KLHL32: variants seen among roughly 807,000 people sequenced by gnomAD.
KLHL32 encodes the protein kelch-like protein 32.
KLHL32 carries 35 observed loss-of-function variants against 64.8 expected under a neutral mutation model. The observed-to-expected ratio is 0.54, with a 90% CI of 0.41 to 0.72. The LOEUF is 0.72. Ranked by LOEUF, KLHL32 falls within the 30% of genes least tolerant of loss-of-function variation. The pLI is 0.00. For missense variants in KLHL32, 589 were observed against 768.5 expected (o/e 0.77, Z 2.76); for synonymous variants, 259 against 281.0 (o/e 0.92, Z 0.78).
intron 3 of KLHL32, among the ~76,000 whole-genome samples, chr6:97,001,537 G>T (rs558777221): frequency 1.4e-4 from 22 of 151,998 alleles, no homozygotes; most frequent in Non-Finnish European, 2.9e-4. Flanking sequence ...GCACAATCAT[G>T]GCTCACCAAA....
At chr6:97,107,429 T>C (rs892941899) in intron 6 of KLHL32, among the ~76,000 whole-genome samples, 4 of 152,250 alleles carry the variant, frequency 2.6e-5, no homozygotes, top group African/African-American at 9.6e-5. Flanking sequence ...TTTCTAGTTC[T>C]AGCTTTTCTG....
At chr6:97,074,479 C>T (rs935013557) in intron 5 of KLHL32, among the ~76,000 whole-genome samples, 5 of 151,906 alleles carry the variant, frequency 3.3e-5, no homozygotes, top group Admixed American at 1.3e-4. Context: ...ATGTATGCTT[C>T]ATAGCATCCA....
intron 3 of KLHL32, among the ~76,000 whole-genome samples, chr6:97,028,145 G>C (rs899056574): frequency 3.9e-5 from 6 of 152,068 alleles, no homozygotes; most frequent in Non-Finnish European, 7.4e-5. Context: ...ACATTTATGT[G>C]CATGTGGTTC....
chr6:97,080,480 G>A (rs1039577020), intron 5 of KLHL32, among the ~76,000 whole-genome samples: 1 of 152,234 alleles, frequency 6.6e-6, no homozygotes, highest in African/African-American at 2.4e-5. Context: ...CACAATCTTT[G>A]CTTCCGAGAA....
intron 1 of KLHL32, among the ~76,000 whole-genome samples, chr6:96,932,821 T>C (rs1425142508): frequency 2.0e-5 from 3 of 152,086 alleles, no homozygotes; most frequent in Non-Finnish European, 4.4e-5. Context: ...TTCTTCCACC[T>C]TGGGCTTCCA....
At chr6:97,045,148 C>T (rs896758829) in intron 4 of KLHL32, among the ~76,000 whole-genome samples, 1 of 152,038 alleles carries the variant, frequency 6.6e-6, no homozygotes, top group Non-Finnish European at 1.5e-5. Flanking sequence ...AGGAAATAAG[C>T]CATTAATCAA....
At chr6:96,980,502 G>A (rs1776185002) in intron 3 of KLHL32, among the ~76,000 whole-genome samples, 1 of 152,068 alleles carries the variant, frequency 6.6e-6, no homozygotes, top group Non-Finnish European at 1.5e-5. Context: ...TATATTTCAA[G>A]TATAAAGCCT....
At chr6:97,041,154 G>T (rs1333264506) in intron 3 of KLHL32, among the ~76,000 whole-genome samples, 2 of 152,176 alleles carry the variant, frequency 1.3e-5, no homozygotes, top group Non-Finnish European at 2.9e-5. Context: ...AGGATGTTTG[G>T]CATTGCTGCA....
chr6:97,074,798 A>T (rs1791334400), intron 5 of KLHL32, among the ~76,000 whole-genome samples: 1 of 151,648 alleles, frequency 6.6e-6, no homozygotes, highest in South Asian at 2.1e-4. Context: ...CTGGTTCAAA[A>T]AGTACAGTTA....
intron 4 of KLHL32, among the ~76,000 whole-genome samples, chr6:97,062,850 A>C (rs1444839164): frequency 6.6e-6 from 1 of 152,202 alleles, no homozygotes; most frequent in Non-Finnish European, 1.5e-5. Flanking sequence ...GTTAGGAGCT[A>C]GGGAATGATG....
intron 7 of KLHL32, among the ~76,000 whole-genome samples, chr6:97,118,510 T>A (rs1348734078): frequency 1.3e-5 from 2 of 150,534 alleles, no homozygotes; most frequent in South Asian, 4.2e-4. Flanking sequence ...TCGCAGCTAC[T>A]TGGGAGGCTG....
chr6:97,107,067 C>CG (rs1426796618), intron 6 of KLHL32, among the ~76,000 whole-genome samples: 1 of 152,088 alleles, frequency 6.6e-6, no homozygotes, highest in Non-Finnish European at 1.5e-5. Context: ...CGAAGGCGGG[C>CG]GGATCACGAG....
chr6:97,041,644 A>G (rs1477233954), intron 4 of KLHL32, 45 bp downstream of exon 4: 9 of 1,118,758 alleles, frequency 8.0e-6, no homozygotes, highest in South Asian at 3.8e-5. Context: ...TTTCAACTAC[A>G]TCTAACCAAA....
At chr6:97,082,613 CA>C (rs35233098) in intron 5 of KLHL32, among the ~76,000 whole-genome samples, 58,115 of 143,744 alleles carry the variant, frequency 0.4, 11,594 homozygotes, top group Middle Eastern at 0.48. Flanking sequence ...GATTCCATCT[CA>C]AAAAAAAAAA....
chr6:97,055,681 C>T (rs1787680809), intron 4 of KLHL32, among the ~76,000 whole-genome samples: 1 of 151,440 alleles, frequency 6.6e-6, no homozygotes, highest in African/African-American at 2.4e-5. Context: ...GCCTGTACTC[C>T]CAGCTAGTTG....
chr6:96,943,717 G>A (rs1280899982), intron 1 of KLHL32, among the ~76,000 whole-genome samples: 1 of 152,180 alleles, frequency 6.6e-6, no homozygotes, highest in Non-Finnish European at 1.5e-5. Flanking sequence ...AGCCTTCACT[G>A]CTTCCTTTTC....
At chr6:97,005,482 G>A (rs1447090853) in intron 3 of KLHL32, among the ~76,000 whole-genome samples, 4 of 151,830 alleles carry the variant, frequency 2.6e-5, no homozygotes, top group South Asian at 2.1e-4. Flanking sequence ...AATTTCATTC[G>A]ATTCAGCTCT....
At chr6:96,963,627 G>A (rs1774113575) in intron 1 of KLHL32, among the ~76,000 whole-genome samples, 1 of 152,164 alleles carries the variant, frequency 6.6e-6, no homozygotes, top group African/African-American at 2.4e-5. Flanking sequence ...TTATGCAATA[G>A]AGGCAAATCC....
rs114452706 is a variant in KLHL32 at position 97,082,306 on chromosome 6, G to T, written c.412-2820G>T. 4.0e-3 allele frequency among the ~76,000 whole-genome samples: 613 copies of T among 152,258 alleles called. 8 individuals are homozygous for T. Among genetic ancestry groups the T allele is most frequent in the African/African-American group, 0.014 (594 of 41,554 alleles). On this transcript the variant is annotated intron_variant, in intron 5 of 10. Transcript: ENST00000369261. The stretch of plus-strand genomic sequence containing the variant: ...AAGAGGAGATACAGGAGTAGATGCA[G>T]GCTATCATAAAATAAGCTCAGTTTA...
Sources: allele counts gnomAD v4.1 joint callset (sites outside exome capture counted in the v4.1 genomes callset), GRCh38; gene constraint gnomAD v4.1.1; transcripts MANE v1.5; gene names NCBI Gene and HGNC (gene_info 2026-07-23, HGNC 2026-07-21).